The following LMLN variants were observed in gnomAD, a reference collection of about 807,000 sequenced individuals.
LMLN encodes leishmanolysin like peptidase.
In LMLN, 70 loss-of-function variants were observed where a neutral mutation model predicts 92.3. That is an observed-to-expected ratio of 0.76 (90% CI 0.63 to 0.92). The LOEUF (loss-of-function observed/expected upper bound fraction) is 0.92, where lower values mean the gene tolerates loss of function less well. Ranked by LOEUF, LMLN falls within the 40% of genes least tolerant of loss-of-function variation. LMLN has a pLI of 0.00. For missense variants in LMLN, 691 were observed against 814.6 expected (o/e 0.85, Z 1.85); for synonymous variants, 308 against 296.2 (o/e 1.04, Z -0.41).
At chr3:197,978,903 A>G (rs1036192010) in intron 5 of LMLN, among the ~76,000 whole-genome samples, 4 of 152,062 alleles carry the variant, frequency 2.6e-5, no homozygotes, top group Admixed American at 2.0e-4. Context: ...AGGCAGGAGA[A>G]GCTTGAACCC....
At chr3:197,990,237 A>T (rs1721827936) in intron 8 of LMLN, among the ~76,000 whole-genome samples, 1 of 151,782 alleles carries the variant, frequency 6.6e-6, no homozygotes, top group Non-Finnish European at 1.5e-5. Flanking sequence ...TAATTTTTAA[A>T]TTTTTTGTGG....
intron 14 of LMLN, among the ~76,000 whole-genome samples, chr3:198,033,421 T>C (rs904855110): frequency 2.0e-5 from 3 of 151,198 alleles, no homozygotes; most frequent in African/African-American, 7.3e-5. Context: ...TTATTTTTAT[T>C]ATCTTTTTTT....
intron 6 of LMLN, among the ~76,000 whole-genome samples, chr3:197,983,580 A>G (rs1721618900): frequency 6.6e-6 from 1 of 152,164 alleles, no homozygotes; most frequent in African/African-American, 2.4e-5. Flanking sequence ...TTTCCTCTCT[A>G]CCTGCTTGTC....
intron 5 of LMLN, 74 bp from the exon 6 acceptor site, chr3:197,980,252 T>G (rs1034112106): frequency 7.8e-7 from 1 of 1,278,046 alleles, no homozygotes; most frequent in African/African-American, 1.5e-5. Flanking sequence ...AGTGTAGATT[T>G]TACTATAAGA....
At chr3:197,976,201 A>G in intron 4 of LMLN, 90 bp downstream of exon 4, 1 of 737,684 alleles carries the variant, frequency 1.4e-6, no homozygotes, top group Non-Finnish European at 2.2e-6. Context: ...TGAAACTTAT[A>G]CTAGAATTTT....
chr3:198,036,131 G>T, intron 15 of LMLN, 88 bp downstream of exon 16: 1 of 1,191,342 alleles, frequency 8.4e-7, no homozygotes, highest in African/African-American at 1.5e-5. Flanking sequence ...CTTCAAGGAA[G>T]CTCTAAAACA....
chr3:197,989,814 G>A (rs768215391), intron 8 of LMLN, among the ~76,000 whole-genome samples: 12 of 152,220 alleles, frequency 7.9e-5, no homozygotes, highest in Non-Finnish European at 1.5e-4. Flanking sequence ...TTGAGGCCAG[G>A]AATTCGAGGC....
intron 7 of LMLN, among the ~76,000 whole-genome samples, chr3:197,984,401 C>T (rs1324100233): frequency 1.3e-5 from 2 of 151,792 alleles, no homozygotes; most frequent in Non-Finnish European, 2.9e-5. Flanking sequence ...AAAGCTTTTT[C>T]CTCTTTTAAA....
At chr3:198,010,659 C>T in intron 11 of LMLN, among the ~76,000 whole-genome samples, 1 of 152,068 alleles carries the variant, frequency 6.6e-6, no homozygotes, top group East Asian at 1.9e-4. Flanking sequence ...CTGTATTGCT[C>T]AGGCTAGTCT....
chr3:198,043,711 TG>T (rs559654891), exon 16 of LMLN: 125 of 152,674 alleles, frequency 8.2e-4, no homozygotes, highest in African/African-American at 2.9e-3. Context: ...TTAATAAAAA[TG>T]GAAACTAATT....
At chr3:198,040,064 C>G (rs1199604303) in exon 16 of LMLN, 1 of 152,146 alleles carries the variant, frequency 6.6e-6, no homozygotes, top group Non-Finnish European at 1.5e-5. Flanking sequence ...AAAAGAAATT[C>G]TGGTAAAGAC....
At chr3:197,997,782 A>C (rs1425824800) in intron 10 of LMLN, among the ~76,000 whole-genome samples, 1 of 152,212 alleles carries the variant, frequency 6.6e-6, no homozygotes, top group Non-Finnish European at 1.5e-5. Context: ...TCGCAGAAAC[A>C]CATGCTTTCA....
exon 15 of LMLN, chr3:198,035,833 G>A (rs551926679): frequency 1.2e-6 from 2 of 1,610,986 alleles, no homozygotes; most frequent in African/African-American, 2.7e-5. Flanking sequence ...CTGTTTGAAG[G>A]TTTCTTGTTC....
chr3:198,038,790 A>G, exon 16 of LMLN: 1 of 747,314 alleles, frequency 1.3e-6, no homozygotes, highest in Non-Finnish European at 2.3e-6. Context: ...TTGGCTTGGA[A>G]GAATTGACGA....
chr3:197,991,464 C>T (rs1721867320), intron 9 of LMLN, among the ~76,000 whole-genome samples: 1 of 152,098 alleles, frequency 6.6e-6, no homozygotes, highest in Admixed American at 6.6e-5. Flanking sequence ...GAGTTCAAAT[C>T]CGATGGGATA....
chr3:197,964,357 A>G (rs1720987420), intron 1 of LMLN, among the ~76,000 whole-genome samples: 1 of 150,614 alleles, frequency 6.6e-6, no homozygotes, highest in African/African-American at 2.4e-5. Flanking sequence ...GACACTTTGC[A>G]TTTTAATTAT....
chr3:197,965,349 A>G (rs1234341292), intron 1 of LMLN, among the ~76,000 whole-genome samples: 1 of 151,520 alleles, frequency 6.6e-6, no homozygotes, highest in African/African-American at 2.4e-5. Flanking sequence ...TTAGAATATG[A>G]TCTATCCTGT....
chr3:197,976,100 C>A, exon 4 of LMLN: 1 of 1,599,310 alleles, frequency 6.3e-7, no homozygotes, highest in Non-Finnish European at 8.6e-7. Flanking sequence ...CGGGCACTAT[C>A]TTACTTAGCA....
Position 198,014,258 on chromosome 3 carries a change from A to G in LMLN, c.1233-4995A>G, listed in dbSNP as rs1372729453. Among the ~76,000 whole-genome samples the G allele has an allele frequency of 2.1e-5, 3 of 142,106 alleles. No homozygotes were observed. In the East Asian group the frequency reaches 6.4e-4, roughly 30 times the overall value. 93.2% of individuals were successfully genotyped at this position (142,106 alleles called of 152,430 possible). ...TCTCTGTATCCTTCAGAGCCCCCTA[A>G]CTAGTCTGACTTCTCTCCACCCTTC... On this transcript the variant is annotated intron_variant, in intron 11 of 15. Coordinates refer to ENST00000330198, the Ensembl canonical transcript of LMLN.
Sources: gnomAD v4.1 joint callset for allele counts (sites outside exome capture counted in the v4.1 genomes callset) on GRCh38, gnomAD v4.1.1 for gene constraint, MANE v1.5 for transcripts, NCBI Gene and HGNC (gene_info 2026-07-23, HGNC 2026-07-21) for gene names.